The following SUPT3H variants were observed in gnomAD, a reference collection of about 807,000 sequenced individuals.
SUPT3H encodes the protein SPT3 homolog, SAGA and STAGA complex component.
SUPT3H carries 44 observed loss-of-function variants against 44.3 expected under a neutral mutation model. The observed-to-expected ratio is 0.99, with a 90% CI of 0.78 to 1.28. The LOEUF (loss-of-function observed/expected upper bound fraction) is 1.28. SUPT3H is among the 50% of genes most tolerant of loss of function. The probability of loss-of-function intolerance (pLI) is 0.00; values close to 1 mark genes in which losing one functional copy is unlikely to be tolerated. For missense variants in SUPT3H, 380 were observed against 387.1 expected (o/e 0.98, Z 0.15); for synonymous variants, 124 against 125.6 (o/e 0.99, Z 0.09).
In SUPT3H at chr6:45,128,518, AAAAAAAAAAAAAAAAATATAT is replaced by A. The variant is rs993204644; in HGVS notation, c.102-22533_102-22513del. The stretch of plus-strand genomic sequence containing the variant: ...GACTCTGTCTCAAAAAAAAAAAAAA[AAAAAAAAAAAAAAAAATATAT>A]ATATATATATATATATATACACACA... On this transcript the variant is annotated intron_variant, in intron 2 of 10. Coordinates refer to ENST00000371459, the MANE Select transcript of SUPT3H (RefSeq NM_003599.4). 5.6e-4 allele frequency among the ~76,000 whole-genome samples: 30 copies of A among 53,214 alleles called. 2 individuals are homozygous for A. The highest frequency in any genetic ancestry group is 4.8e-4 in the Non-Finnish European group (13 of 26,862). 34.9% of individuals were successfully genotyped at this position (53,214 alleles called of 152,430 possible).
chr6:45,325,162 CT>C (rs982968843), intron 2 of SUPT3H, among the ~76,000 whole-genome samples: 39 of 151,972 alleles, frequency 2.6e-4, no homozygotes, highest in African/African-American at 8.7e-4. Context: ...ATTAGGACTT[CT>C]AAAGTTTAAA....
At chr6:45,217,630 G>A (rs1765307202) in intron 2 of SUPT3H, among the ~76,000 whole-genome samples, 1 of 151,814 alleles carries the variant, frequency 6.6e-6, no homozygotes, top group Admixed American at 6.6e-5. Flanking sequence ...GGTGGCTCAC[G>A]CTGTAATTCC....
chr6:44,915,906 T>C (rs1002931901), intron 10 of SUPT3H, among the ~76,000 whole-genome samples: 1 of 152,180 alleles, frequency 6.6e-6, no homozygotes, highest in East Asian at 1.9e-4. Context: ...CTTGGACATA[T>C]GTTCTCAGGA....
chr6:45,365,239 C>T lies in SUPT3H; in HGVS notation c.63G>A (p.Gly21=), dbSNP rs772909797. Residue 21 remains glycine, a synonymous_variant, in exon 2 of 11, where the codon GGG becomes GGA. Transcript: ENST00000371459. ...TATSSSGRST[G]KSISFATELQ... is the part of the protein sequence containing the mutation. ...ATTCTGTTGCAAAGCTTATAGACTT[C>T]CCTGTACTCCTTCCACTACTTGAAG... 1.9e-6 allele frequency: 3 copies of T among 1,612,444 alleles called. No homozygotes were observed. In the Admixed American group the frequency reaches 5.0e-5, roughly 27 times the overall value.
intron 2 of SUPT3H, among the ~76,000 whole-genome samples, chr6:45,203,627 A>C (rs1402020077): frequency 1.3e-5 from 2 of 152,198 alleles, no homozygotes; most frequent in Non-Finnish European, 2.9e-5. Context: ...CAATACTGTC[A>C]AAATAATGTC....
intron 6 of SUPT3H, among the ~76,000 whole-genome samples, chr6:44,979,023 T>G (rs2153488320): frequency 6.6e-6 from 1 of 152,328 alleles, no homozygotes; most frequent in African/African-American, 2.4e-5. Flanking sequence ...TTTAGGTACA[T>G]TTACAACATG....
At chr6:45,064,242 C>T (rs1430023687) in intron 3 of SUPT3H, among the ~76,000 whole-genome samples, 26 of 137,436 alleles carry the variant, frequency 1.9e-4, no homozygotes, top group South Asian at 7.2e-4. Flanking sequence ...TAAAATACTT[C>T]ACAGACAAGC....
intron 2 of SUPT3H, among the ~76,000 whole-genome samples, chr6:45,280,465 C>T (rs1295922083): frequency 6.6e-6 from 1 of 151,926 alleles, no homozygotes; most frequent in African/African-American, 2.4e-5. Context: ...AAGATCATGC[C>T]ACTGCAAAAT....
At position 45,009,482 on chromosome 6, in the gene SUPT3H, C is replaced by T. The variant is rs562180508; in HGVS notation, c.364+5319G>A. Among the ~76,000 whole-genome samples, 46 of 152,212 alleles carry T rather than the reference C, an allele frequency of 3.0e-4. 1 individual carries two copies. In the South Asian group the frequency reaches 9.5e-3, roughly 32 times the overall value. The stretch of plus-strand genomic sequence containing the variant: ...AGGTCTATGATCCATATTGGGTTAA[C>T]TTTGTGTACTGTGTTGTTGTAGGTG... On this transcript the variant is annotated intron_variant, in intron 5 of 10. Transcript: ENST00000371459.
At chr6:44,826,302 A>G (rs916423376), downstream of SUPT3H, among the ~76,000 whole-genome samples, 3 of 152,042 alleles carry the variant, frequency 2.0e-5, no homozygotes, top group African/African-American at 7.2e-5. Context: ...CTCTCTTCTC[A>G]CCCCTGCCAC....
chr6:44,845,122 G>C (rs183271756), intron 10 of SUPT3H, among the ~76,000 whole-genome samples: 2 of 152,208 alleles, frequency 1.3e-5, no homozygotes, highest in Admixed American at 1.3e-4. Flanking sequence ...TATATGACTA[G>C]AGTTCCTTAA....
At chr6:45,248,107 A>G (rs954362657) in intron 2 of SUPT3H, among the ~76,000 whole-genome samples, 3 of 152,162 alleles carry the variant, frequency 2.0e-5, no homozygotes, top group African/African-American at 7.2e-5. Flanking sequence ...TATAAAACAG[A>G]AAAAAACCTA....
At chr6:45,295,870 C>G (rs1278190277) in intron 2 of SUPT3H, among the ~76,000 whole-genome samples, 3 of 152,126 alleles carry the variant, frequency 2.0e-5, no homozygotes, top group African/African-American at 7.2e-5. Flanking sequence ...CACTTCTACA[C>G]TGCTGGTGGG....
intron 5 of SUPT3H, among the ~76,000 whole-genome samples, chr6:45,011,914 T>C (rs1012993669): frequency 3.3e-5 from 5 of 152,070 alleles, no homozygotes; most frequent in Non-Finnish European, 7.4e-5. Context: ...GTATTTTGCA[T>C]TCATTTTTGA....
intron 10 of SUPT3H, among the ~76,000 whole-genome samples, chr6:44,865,162 A>G (rs1466521216): frequency 2.0e-5 from 3 of 152,182 alleles, no homozygotes; most frequent in Non-Finnish European, 2.9e-5. Flanking sequence ...AGTTCCCAAC[A>G]AGTTCCTCAT....
chr6:45,284,264 A>G (rs1778774054), intron 2 of SUPT3H, among the ~76,000 whole-genome samples: 1 of 152,226 alleles, frequency 6.6e-6, no homozygotes, highest in South Asian at 2.1e-4. Flanking sequence ...TGAAGGAAAT[A>G]GAAACACAAA....
At chr6:45,004,864 C>T (rs899664631) in intron 5 of SUPT3H, among the ~76,000 whole-genome samples, 9 of 152,146 alleles carry the variant, frequency 5.9e-5, no homozygotes, top group African/African-American at 2.2e-4. Flanking sequence ...ACTGGTACAG[C>T]CCTGATTCCT....
At chr6:45,119,579 G>A (rs1562495524) in intron 2 of SUPT3H, among the ~76,000 whole-genome samples, 1 of 152,152 alleles carries the variant, frequency 6.6e-6, no homozygotes, top group Non-Finnish European at 1.5e-5. Context: ...CTGCCTGTTG[G>A]ATGAGCACAG....
intron 2 of SUPT3H, among the ~76,000 whole-genome samples, chr6:45,266,265 T>TA (rs202231482): frequency 6.6e-6 from 1 of 151,964 alleles, no homozygotes; most frequent in Admixed American, 6.6e-5. Flanking sequence ...GATGTTACTG[T>TA]AAAAATTTTT....
Sources: gnomAD v4.1 joint callset for allele counts (sites outside exome capture counted in the v4.1 genomes callset) on GRCh38, gnomAD v4.1.1 for gene constraint, MANE v1.5 for transcripts, NCBI Gene and HGNC (gene_info 2026-07-23, HGNC 2026-07-21) for gene names.